Variants in KIF27 observed in about 807,000 individuals in gnomAD.
The protein encoded by KIF27 is kinesin family member 27, also known as kinesin-like protein KIF27.
A neutral mutation model predicts 141.8 loss-of-function variants in KIF27; 84 were observed. The observed-to-expected ratio is 0.59, with a 90% confidence interval of 0.50 to 0.71. The LOEUF (loss-of-function observed/expected upper bound fraction) is 0.71. Ranked by LOEUF, KIF27 falls within the 30% of genes least tolerant of loss-of-function variation. KIF27 has a pLI of 0.00. For missense variants in KIF27, 1,306 were observed against 1,628.4 expected, an observed-to-expected ratio of 0.80 and a Z score of 3.41; for synonymous variants, 471 against 569.5, an observed-to-expected ratio of 0.83 and a Z score of 2.46.
chr9:83,914,054 A>G lies in KIF27; in HGVS notation c.298+1240T>C, dbSNP rs746858124. On this transcript the variant is annotated intron_variant, in intron 2 of 17. Coordinates refer to ENST00000297814, the MANE Select transcript of KIF27 (RefSeq NM_017576.4). The stretch of plus-strand genomic sequence containing the variant: ...TATGTTAGGACAATAGATAACTTCA[A>G]TAACTTTTTCCCTTACAAAATTAAA... 1.1e-3 allele frequency among the ~76,000 whole-genome samples: 174 copies of G among 152,104 alleles called. 1 individual carries two copies. The highest frequency in any genetic ancestry group is 6.8e-3 in the Middle Eastern group (2 of 294).
chr9:83,859,751 T>G (rs1949680890), intron 13 of KIF27: 1 of 187,232 alleles, frequency 5.3e-6, no homozygotes, highest in Admixed American at 5.5e-5. Flanking sequence ...CAGGCTGGTC[T>G]CGAACTCCTG....
At chr9:83,874,563 C>T (rs1951057784) in intron 11 of KIF27, among the ~76,000 whole-genome samples, 1 of 152,128 alleles carries the variant, frequency 6.6e-6, no homozygotes, top group African/African-American at 2.4e-5. Context: ...AAAGTCTGTT[C>T]CTTTTTCTGG....
chr9:83,915,308 C>A lies in KIF27; in HGVS notation c.284G>T (p.Gly95Val). ...QTGSGKTYTI[G>V]GGHIASVVEG... ...AAGAATCTTACCAATATGGCCCCCT[C>A]CAATGGTGTATGTCTTCCCAGATCC... The change falls in exon 2 of 18, where the codon GGA (glycine) becomes GTA (valine). Residue 95 changes from glycine (G) to valine (V), a missense_variant. Gly to Val is a moderately radical substitution (Grantham distance 109). Coordinates refer to ENST00000297814, the MANE Select transcript of KIF27 (RefSeq NM_017576.4). 6.2e-7 allele frequency: 1 copy of A among 1,606,774 alleles called. No individual in the cohort carries two copies. Among genetic ancestry groups the A allele is most frequent in the Non-Finnish European group, 8.5e-7 (1 of 1,176,388 alleles).
intron 6 of KIF27, among the ~76,000 whole-genome samples, chr9:83,890,019 A>G (rs1000329725): frequency 6.8e-6 from 1 of 146,398 alleles, no homozygotes; most frequent in African/African-American, 2.4e-5. Context: ...CTGTAACCAA[A>G]TCTCAAGATG....
chr9:83,891,218 T>TA, intron 6 of KIF27, 77 bp downstream of exon 6: 4 of 1,191,146 alleles, frequency 3.4e-6, no homozygotes, highest in Non-Finnish European at 4.9e-6. Flanking sequence ...GCTGAGACTG[T>TA]ATAAATACAC....
At chr9:83,891,197 A>C in intron 6 of KIF27, 98 bp downstream of exon 6, 1 of 936,914 alleles carries the variant, frequency 1.1e-6, no homozygotes, top group Non-Finnish European at 1.6e-6. Context: ...AAAATCAAAC[A>C]AAAAAAATCT....
In KIF27 at chr9:83,907,291, AAAATAAATAAATAAATAAAT is replaced by A. The variant is rs201873830; in HGVS notation, c.499+1141_499+1160del. Among the ~76,000 whole-genome samples the A allele has an allele frequency of 1.3e-3, 174 of 138,484 alleles. 1 individual carries two copies. The highest frequency in any genetic ancestry group is 7.4e-3 in the South Asian group (32 of 4,306). The allele number at this position is 138,484 out of a possible 152,430, so 90.9% of individuals were successfully genotyped here. On this transcript the variant is annotated intron_variant, in intron 3 of 17. Transcript: ENST00000297814. ...GGTGACAGAGCAAGACTCCATCTCA[AAAATAAATAAATAAATAAAT>A]AAATAAATAAATAAATAAATAAATA...
chr9:83,847,504 A>T (rs1191153152), intron 16 of KIF27: 1 of 152,094 alleles, frequency 6.6e-6, no homozygotes, highest in African/African-American at 2.4e-5. Context: ...TCTTTATTTG[A>T]AGATTATGTA....
intron 3 of KIF27, among the ~76,000 whole-genome samples, chr9:83,907,801 G>A (rs1196537578): frequency 1.3e-5 from 2 of 152,200 alleles, no homozygotes; most frequent in African/African-American, 4.8e-5. Context: ...CCAATCTCAT[G>A]GTAGAGCTGA....
At chr9:83,896,430 T>G (rs183689790) in intron 5 of KIF27, among the ~76,000 whole-genome samples, 1 of 152,108 alleles carries the variant, frequency 6.6e-6, no homozygotes, top group African/African-American at 2.4e-5. Flanking sequence ...ATACCAACAA[T>G]TAGGGAATTT....
chr9:83,899,925 T>C (rs1196413855), intron 4 of KIF27, 121 bp from the exon 5 acceptor site: 3 of 704,432 alleles, frequency 4.3e-6, no homozygotes, highest in Non-Finnish European at 6.5e-6. Context: ...TTTTTTTTCA[T>C]TTTCAACTTT....
At chr9:83,895,078 C>T (rs1240692651) in intron 5 of KIF27, among the ~76,000 whole-genome samples, 3 of 149,902 alleles carry the variant, frequency 2.0e-5, no homozygotes, top group Non-Finnish European at 3.0e-5. Flanking sequence ...AGTGAAACCC[C>T]GTCTCCACTA....
chr9:83,850,987 G>A (rs1220181665), intron 15 of KIF27, among the ~76,000 whole-genome samples: 19 of 150,594 alleles, frequency 1.3e-4, no homozygotes, highest in East Asian at 1.2e-3. Context: ...ACAGGCGCCC[G>A]CCACCACGCC....
chr9:83,848,090 T>TG (rs1947618228), intron 16 of KIF27, among the ~76,000 whole-genome samples: 1 of 65,970 alleles, frequency 1.5e-5, no homozygotes, highest in East Asian at 3.0e-4. Context: ...ATATCATATA[T>TG]ATGATATATA....
chr9:83,880,545 C>G, intron 10 of KIF27, 51 bp from the exon 11 acceptor site: 1 of 1,272,190 alleles, frequency 7.9e-7, no homozygotes. Flanking sequence ...TCTCACAATC[C>G]TCAACTAAAC....
At chr9:83,913,298 G>A (rs1177133882) in intron 2 of KIF27, among the ~76,000 whole-genome samples, 1 of 152,202 alleles carries the variant, frequency 6.6e-6, no homozygotes. Flanking sequence ...AGACACTGCA[G>A]ATGCTCAATA....
At chr9:83,862,641 T>C (rs1334016686) in intron 13 of KIF27, among the ~76,000 whole-genome samples, 1 of 152,184 alleles carries the variant, frequency 6.6e-6, no homozygotes, top group Non-Finnish European at 1.5e-5. Flanking sequence ...TGGCTTAGGA[T>C]TGTCTTGGCA....
At chr9:83,845,288 C>T (rs187952687) in intron 16 of KIF27, among the ~76,000 whole-genome samples, 2 of 152,180 alleles carry the variant, frequency 1.3e-5, no homozygotes, top group African/African-American at 4.8e-5. Flanking sequence ...AGTCACCATG[C>T]GACCTGAACT....
At chr9:83,880,235 C>T (rs779702367) in intron 11 of KIF27, 62 bp downstream of exon 11, 11 of 1,605,654 alleles carry the variant, frequency 6.9e-6, no homozygotes, top group African/African-American at 4.0e-5. Context: ...ACCATGGATT[C>T]GTTAGCTCTG....
Sources: gnomAD v4.1 joint callset for allele counts (sites outside exome capture counted in the v4.1 genomes callset) on GRCh38, gnomAD v4.1.1 for gene constraint, MANE v1.5 for transcripts, NCBI Gene and HGNC (gene_info 2026-07-23, HGNC 2026-07-21) for gene names.